KHDRBS1: variants seen among roughly 807,000 people sequenced by gnomAD.
KHDRBS1 encodes the protein KH domain-containing, RNA-binding, signal transduction-associated protein 1.
Under a neutral mutation model 48.4 loss-of-function variants are expected in KHDRBS1, and 7 were observed. The ratio of observed to expected loss-of-function variants is 0.14; its 90% CI spans 0.08 to 0.27. The LOEUF (loss-of-function observed/expected upper bound fraction) is 0.27. Ranked by LOEUF, KHDRBS1 falls within the 10% of genes least tolerant of loss-of-function variation. The pLI, the probability that KHDRBS1 is intolerant of heterozygous loss-of-function variation, is 1.00. For synonymous variants in KHDRBS1, 241 were observed against 235.8 expected (o/e 1.02, Z -0.20); for missense variants, 458 against 601.2 (o/e 0.76, Z 2.49).
chr1:32,028,966 CAA>C (rs1015299230), intron 1 of KHDRBS1, among the ~76,000 whole-genome samples: 5 of 152,110 alleles, frequency 3.3e-5, no homozygotes, highest in African/African-American at 4.8e-5. Flanking sequence ...ACAGTGAAGA[CAA>C]GAGACCAGTC....
chr1:32,058,591 G>C (rs562818168), intron 10 of KHDRBS1, among the ~76,000 whole-genome samples: 1 of 152,278 alleles, frequency 6.6e-6, no homozygotes, highest in African/African-American at 2.4e-5. Context: ...TTGCTGATGA[G>C]TGGAGAATGG....
At chr1:32,037,108 T>C in intron 5 of KHDRBS1, 65 bp downstream of exon 5, 2 of 1,552,226 alleles carry the variant, frequency 1.3e-6, no homozygotes, top group Non-Finnish European at 1.8e-6. Flanking sequence ...TCTCTTTTAG[T>C]GGTGCTCTTA....
At chr1:32,046,651 C>T (rs924226450), downstream of KHDRBS1, among the ~76,000 whole-genome samples, 1 of 152,188 alleles carries the variant, frequency 6.6e-6, no homozygotes, top group Non-Finnish European at 1.5e-5. Context: ...TAATTGAAGC[C>T]ATTAAGCAAC....
Position 32,014,072 on chromosome 1 carries a change from C to A in KHDRBS1, c.77C>A (p.Ala26Asp). 1.3e-6 allele frequency: 2 copies of A among 1,490,144 alleles called. No homozygotes were observed. The highest frequency in any genetic ancestry group is 1.3e-5 in the South Asian group (1 of 78,962). 92.3% of individuals were successfully genotyped at this position (1,490,144 alleles called of 1,614,324 possible). Reference sequence around the variant, plus strand: ...AGCGGCTCCATGGACCCCTCCGGTGCCCACCCCTCGGTGCGTCAGACGCCG... The same window carrying A: ...AGCGGCTCCATGGACCCCTCCGGTGACCACCCCTCGGTGCGTCAGACGCCG... The part of the protein sequence containing the change: ...GRSGSMDPSG[A>D]HPSVRQTPSR... The change falls in exon 1 of 9, where the codon GCC becomes GAC. Residue 26 changes from alanine (A) to aspartate (D), a missense_variant. Ala to Asp is a moderately radical substitution (Grantham distance 126, BLOSUM62 -2). Around this residue, in one of 3 missense-constraint regions of KHDRBS1, gnomAD observed 213 missense variants for 215.6 expected, o/e 0.99. Transcript: ENST00000327300.
chr1:32,048,681 G>A (rs931475154), downstream of KHDRBS1, among the ~76,000 whole-genome samples: 4 of 151,976 alleles, frequency 2.6e-5, no homozygotes, highest in African/African-American at 7.3e-5. Flanking sequence ...GAGTTTTGGC[G>A]GAATTTTAAA....
At position 32,014,342 on chromosome 1, in the gene KHDRBS1, C is replaced by G. The variant is rs774175994; in HGVS notation, c.347C>G (p.Pro116Arg). 3 of 1,529,366 alleles carry G rather than the reference C, an allele frequency of 2.0e-6. No individual in the cohort carries two copies. Among genetic ancestry groups the G allele is most frequent in the East Asian group, 5.1e-5 (2 of 39,030 alleles). The allele number at this position is 1,529,366 out of a possible 1,614,324, so 94.7% of individuals were successfully genotyped here. A position where few individuals can be genotyped will look rare whatever the true frequency, so the allele number is the denominator to read the frequency against. ...ATGGCCGAGAAGGACTCGCTCGACC[C>G]GTCCTTCACTCACGCCATGCAGCTG... The part of the protein sequence containing the change: ...ELMAEKDSLD[P>R]SFTHAMQLLT... The change falls in exon 1 of 9, where the codon CCG becomes CGG. Residue 116 changes from proline (P) to arginine (R), a missense_variant. Around this residue, in one of 3 missense-constraint regions of KHDRBS1, gnomAD observed 213 missense variants for 215.6 expected, o/e 0.99. Transcript: ENST00000327300.
chr1:32,036,682 C>T (rs923352236), intron 4 of KHDRBS1, among the ~76,000 whole-genome samples: 4 of 151,936 alleles, frequency 2.6e-5, no homozygotes, highest in Admixed American at 6.6e-5. Context: ...GGAAGTGATC[C>T]GGAGAGCTAG....
At chr1:32,014,443 G>A (rs1569751341) in intron 1 of KHDRBS1, 66 bp downstream of exon 1, 3 of 1,261,514 alleles carry the variant, frequency 2.4e-6, no homozygotes, top group Non-Finnish European at 3.0e-6. Flanking sequence ...CCCTGGCTTT[G>A]TTCCTCTCGC....
At chr1:32,023,176 G>A (rs1638895790) in intron 1 of KHDRBS1, among the ~76,000 whole-genome samples, 1 of 152,166 alleles carries the variant, frequency 6.6e-6, no homozygotes, top group Admixed American at 6.6e-5. Flanking sequence ...CAACGTGGAA[G>A]CTTATAGTCT....
chr1:32,047,315 C>T (rs1320162669), downstream of KHDRBS1, among the ~76,000 whole-genome samples: 2 of 152,132 alleles, frequency 1.3e-5, no homozygotes, highest in East Asian at 1.9e-4. Context: ...CACACCACCA[C>T]GCCTGGATAA....
At chr1:32,034,348 A>G (rs1289277224) in intron 4 of KHDRBS1, among the ~76,000 whole-genome samples, 1 of 151,688 alleles carries the variant, frequency 6.6e-6, no homozygotes, top group Non-Finnish European at 1.5e-5. Context: ...AGATCACCTG[A>G]GGTCGGGAGT....
chr1:32,026,379 A>G (rs1638971127), intron 1 of KHDRBS1, among the ~76,000 whole-genome samples: 2 of 152,142 alleles, frequency 1.3e-5, no homozygotes, highest in Admixed American at 6.6e-5. Flanking sequence ...TCTGGTCCCA[A>G]ACTCCTGGGC....
intron 4 of KHDRBS1, among the ~76,000 whole-genome samples, chr1:32,034,253 G>A (rs758353544): frequency 6.6e-6 from 1 of 152,186 alleles, no homozygotes; most frequent in Non-Finnish European, 1.5e-5. Flanking sequence ...TGTGAAAATT[G>A]ATAGGGCAAA....
chr1:32,028,256 C>G (rs1000813293), intron 1 of KHDRBS1, among the ~76,000 whole-genome samples: 2 of 152,030 alleles, frequency 1.3e-5, no homozygotes, highest in Non-Finnish European at 2.9e-5. Flanking sequence ...TACCTGGGAA[C>G]TTGTTGGAAA....
Position 32,013,949 on chromosome 1 carries a change from T to C in KHDRBS1, c.-47T>C. On this transcript the variant is annotated 5_prime_UTR_variant, in exon 1 of 9. Coordinates refer to ENST00000327300, the MANE Select transcript of KHDRBS1 (RefSeq NM_006559.3). Reference sequence around the variant, plus strand: ...CCGCCAACCGCCGCTCGGGCCTCCGTCGCTGCCGCGTCGCTTTCTCGCTCC... The same window carrying C: ...CCGCCAACCGCCGCTCGGGCCTCCGCCGCTGCCGCGTCGCTTTCTCGCTCC... 7.2e-7 allele frequency: 1 copy of C among 1,395,186 alleles called. No individual in the cohort carries two copies. The highest frequency in any genetic ancestry group is 9.3e-7 in the Non-Finnish European group (1 of 1,077,784). The allele number at this position is 1,395,186 out of a possible 1,614,324, so 86.4% of individuals were successfully genotyped here. A position where few individuals can be genotyped will look rare whatever the true frequency, so the allele number is the denominator to read the frequency against.
chr1:32,046,523 A>G (rs1639360024), downstream of KHDRBS1, among the ~76,000 whole-genome samples: 1 of 152,150 alleles, frequency 6.6e-6, no homozygotes, highest in African/African-American at 2.4e-5. Flanking sequence ...CTGGGAAAGG[A>G]TATTTCTTAT....
intron 8 of KHDRBS1, among the ~76,000 whole-genome samples, chr1:32,042,184 A>T (rs765434301): frequency 1.3e-5 from 2 of 152,222 alleles, no homozygotes; most frequent in African/African-American, 2.4e-5. Flanking sequence ...ACTAAGATTA[A>T]TGAGTTCCTC....
In KHDRBS1 at chr1:32,032,220, C is replaced by T. The variant is rs142239644; in HGVS notation, c.624+580C>T. ...GTGTACTCTGTGACAAGAAACTTCT[C>T]ACCAAAACAGAATAGTCTTAGCCTT... On this transcript the variant is annotated intron_variant, in intron 3 of 8. Coordinates refer to ENST00000327300, the MANE Select transcript of KHDRBS1 (RefSeq NM_006559.3). Among the ~76,000 whole-genome samples, 240 of 152,310 alleles carry T rather than the reference C, an allele frequency of 1.6e-3. 2 individuals are homozygous for T. Among genetic ancestry groups the T allele is most frequent in the African/African-American group, 5.8e-3 (240 of 41,564 alleles).
chr1:32,033,344 T>C lies in KHDRBS1; in HGVS notation c.771+10T>C. The C allele has an allele frequency of 1.9e-6, 3 of 1,613,500 alleles. No individual in the cohort carries two copies. The highest frequency in any genetic ancestry group is 2.5e-6 in the Non-Finnish European group (3 of 1,179,438). On this transcript the variant is annotated intron_variant, in intron 4 of 8. Transcript: ENST00000327300. ...GAAATTTCTAGTACCGGTAAGGAAA[T>C]CCATATCCTGTGTCTTCTGAGCAAA...
Sources: allele counts gnomAD v4.1 joint callset (sites outside exome capture counted in the v4.1 genomes callset), GRCh38; gene constraint gnomAD v4.1.1; regional missense constraint gnomAD v4.1.1; transcripts MANE v1.5; gene names NCBI Gene and HGNC (gene_info 2026-07-23, HGNC 2026-07-21).